The following FBXL7 variants were observed in gnomAD, a reference collection of about 807,000 sequenced individuals.
The protein encoded by FBXL7 is F-box/LRR-repeat protein 7.
A neutral mutation model predicts 38.3 loss-of-function variants in FBXL7; 12 were observed. That is an observed-to-expected ratio of 0.31 (90% confidence interval 0.20 to 0.51). The LOEUF (loss-of-function observed/expected upper bound fraction) is 0.51. FBXL7 is among the 20% of genes least tolerant of loss of function. FBXL7 has a pLI of 0.98. For synonymous variants in FBXL7, 297 were observed against 300.9 expected (o/e 0.99, Z 0.13); for missense variants, 567 against 676.4 (o/e 0.84, Z 1.79).
At position 15,676,286 on chromosome 5, in the gene FBXL7, T is replaced by C. The variant is rs1579369309; in HGVS notation, c.127+60214T>C. ...TTTAAGTAATGAGTTGGTTTAAAAGTGAACAAGGGAAGACTGATAAATTTT... is the reference window on the plus strand; with the variant it reads ...TTTAAGTAATGAGTTGGTTTAAAAGCGAACAAGGGAAGACTGATAAATTTT... On this transcript the variant is annotated intron_variant, in intron 2 of 3. Coordinates refer to ENST00000504595, the MANE Select transcript of FBXL7 (RefSeq NM_012304.5). Among the ~76,000 whole-genome samples, 4 of 152,312 alleles carry C rather than the reference T, an allele frequency of 2.6e-5. No homozygotes were observed. In the South Asian group the frequency reaches 8.3e-4, roughly 32 times the overall value.
At chr5:15,579,059 G>A (rs1345432588) in intron 1 of FBXL7, among the ~76,000 whole-genome samples, 3 of 152,194 alleles carry the variant, frequency 2.0e-5, no homozygotes, top group Non-Finnish European at 4.4e-5. Context: ...AGATTTAACA[G>A]TGTCACGTTC....
chr5:15,660,607 C>T (rs1742031944), intron 2 of FBXL7, among the ~76,000 whole-genome samples: 2 of 152,200 alleles, frequency 1.3e-5, no homozygotes, highest in African/African-American at 4.8e-5. Flanking sequence ...ATCTGCCCGT[C>T]TTGGCCTCTC....
chr5:15,818,753 A>T (rs1390326199), intron 2 of FBXL7, among the ~76,000 whole-genome samples: 7 of 146,212 alleles, frequency 4.8e-5, no homozygotes, highest in African/African-American at 1.5e-4. Context: ...TGAGAGAGAG[A>T]GAGATTTAAA....
intron 2 of FBXL7, among the ~76,000 whole-genome samples, chr5:15,715,489 CAAAAAAA>C (rs1157372026): frequency 6.6e-5 from 5 of 75,278 alleles, no homozygotes; most frequent in African/African-American, 1.8e-4. Flanking sequence ...GACTCCGTCT[CAAAAAAA>C]AAAAAAAAAA....
chr5:15,827,751 T>C (rs1246013850), intron 2 of FBXL7, among the ~76,000 whole-genome samples: 3 of 152,134 alleles, frequency 2.0e-5, no homozygotes, highest in Admixed American at 6.5e-5. Flanking sequence ...TCACTGTGAG[T>C]CTGGGAAGAG....
chr5:15,836,045 G>C (rs148790267), intron 2 of FBXL7, among the ~76,000 whole-genome samples: 1 of 152,162 alleles, frequency 6.6e-6, no homozygotes, highest in African/African-American at 2.4e-5. Flanking sequence ...ACATTTATTT[G>C]CTTTTTTACT....
rs1561035298 is a variant in FBXL7 at position 15,577,030 on chromosome 5, A to G, written c.38-38953A>G. Among the ~76,000 whole-genome samples, 8 of 152,350 alleles carry G rather than the reference A, an allele frequency of 5.3e-5. 1 individual carries two copies. In the South Asian group the frequency reaches 1.7e-3, roughly 32 times the overall value. On this transcript the variant is annotated intron_variant, in intron 1 of 3. Coordinates refer to ENST00000504595, the MANE Select transcript of FBXL7 (RefSeq NM_012304.5). ...AGAAAATAGTATCAATTATTTTGCC[A>G]TAAAGGCTTTATTAAACATGAAGAT...
chr5:15,554,041 A>G (rs1171753982), intron 1 of FBXL7, among the ~76,000 whole-genome samples: 1 of 152,186 alleles, frequency 6.6e-6, no homozygotes, highest in Admixed American at 6.5e-5. Context: ...GTCTGATTCA[A>G]TTCCTGGGGG....
At chr5:15,532,703 T>C (rs1172192394) in intron 1 of FBXL7, among the ~76,000 whole-genome samples, 1 of 152,238 alleles carries the variant, frequency 6.6e-6, no homozygotes, top group Non-Finnish European at 1.5e-5. Context: ...GGCTGTACCT[T>C]CTAGATCCCT....
In FBXL7 at chr5:15,753,216, T is replaced by C. The variant is rs545679688; in HGVS notation, c.127+137144T>C. ...CGTATAGTGCTTGTGACTGATGAATTCAATGAGCGCTTCAATTCTCCTACT... is the reference window on the plus strand; with the variant it reads ...CGTATAGTGCTTGTGACTGATGAATCCAATGAGCGCTTCAATTCTCCTACT... On this transcript the variant is annotated intron_variant, in intron 2 of 3. Transcript: ENST00000504595. 1.4e-4 allele frequency among the ~76,000 whole-genome samples: 21 copies of C among 152,212 alleles called. No individual in the cohort carries two copies. The South Asian group carries it at 1.7e-3, about 12-fold the overall frequency.
intron 1 of FBXL7, among the ~76,000 whole-genome samples, chr5:15,534,350 A>G (rs541103726): frequency 1.9e-5 from 2 of 107,678 alleles, no homozygotes; most frequent in African/African-American, 7.5e-5. Flanking sequence ...CTCCTTGGCA[A>G]CCACCAGTCT....
At chr5:15,612,041 CA>C (rs1417087889) in intron 1 of FBXL7, among the ~76,000 whole-genome samples, 2 of 151,816 alleles carry the variant, frequency 1.3e-5, no homozygotes, top group African/African-American at 4.8e-5. Context: ...ATTAAATTCT[CA>C]GGCATTTAAA....
intron 1 of FBXL7, among the ~76,000 whole-genome samples, chr5:15,585,704 T>C (rs1482764523): frequency 6.6e-6 from 1 of 152,264 alleles, no homozygotes; most frequent in Non-Finnish European, 1.5e-5. Context: ...ATCAAGTTGC[T>C]AGCTGTGCCT....
In FBXL7 at chr5:15,533,246, C is replaced by T. The variant is rs551932623; in HGVS notation, c.37+32533C>T. Among the ~76,000 whole-genome samples, 17 of 152,266 alleles carry T rather than the reference C, an allele frequency of 1.1e-4. No individual in the cohort carries two copies. The South Asian group carries it at 1.7e-3, about 15-fold the overall frequency. On this transcript the variant is annotated intron_variant, in intron 1 of 3. Transcript: ENST00000504595. ...ATCAAACCACACTCTTCTCTTAATG[C>T]TCTGTGTACTGTGGCTGTTCCATAA...
chr5:15,609,810 C>T (rs937236612), intron 1 of FBXL7, among the ~76,000 whole-genome samples: 15 of 152,176 alleles, frequency 9.9e-5, no homozygotes, highest in South Asian at 4.1e-4. Flanking sequence ...AGGTGCTATG[C>T]AGCATCCTTA....
In FBXL7 at chr5:15,938,917, G is replaced by T; in HGVS notation, c.*1731G>T. On this transcript the variant is annotated 3_prime_UTR_variant, in exon 4 of 4. Transcript: ENST00000504595. ...TCTAGCCAAGCCCCACCTTTGTTAC[G>T]TTGAAATCCCTCATTTATTTTCTTC... 1 of 398,764 alleles carries T rather than the reference G, an allele frequency of 2.5e-6. No individual in the cohort carries two copies. The highest frequency in any genetic ancestry group is 4.4e-6 in the Non-Finnish European group (1 of 225,960). 24.7% of individuals were successfully genotyped at this position (398,764 alleles called of 1,614,324 possible).
intron 1 of FBXL7, among the ~76,000 whole-genome samples, chr5:15,603,607 CTG>C (rs1739880919): frequency 6.6e-6 from 1 of 152,224 alleles, no homozygotes; most frequent in African/African-American, 2.4e-5. Flanking sequence ...AAGAATTCAT[CTG>C]TGAACTGCAT....
At chr5:15,765,391 G>C (rs536941085) in intron 2 of FBXL7, among the ~76,000 whole-genome samples, 2 of 152,164 alleles carry the variant, frequency 1.3e-5, no homozygotes, top group South Asian at 4.2e-4. Flanking sequence ...TGACAGAAAA[G>C]CACATCAAGC....
In FBXL7 at chr5:15,928,683, G is replaced by C. The variant is rs960671538; in HGVS notation, c.739+182G>C. Among the ~76,000 whole-genome samples, 2 of 152,112 alleles carry C rather than the reference G, an allele frequency of 1.3e-5. No homozygotes were observed. Among genetic ancestry groups the C allele is most frequent in the Non-Finnish European group, 2.9e-5 (2 of 68,008 alleles). On this transcript the variant is annotated intron_variant, in intron 3 of 3. Transcript: ENST00000504595. The surrounding 1 kb of genome is among the most constrained non-coding windows in gnomAD (Gnocchi z 4.0). ...GGAATCATGACCCTGGAGGCCACAA[G>C]TTTCCCTTTCATCAAATAATGTCCA...
Sources: gnomAD v4.1 joint callset for allele counts (sites outside exome capture counted in the v4.1 genomes callset) on GRCh38, gnomAD v4.1.1 for gene constraint, Gnocchi (gnomAD v3.1) non-coding constraint, MANE v1.5 for transcripts, NCBI Gene and HGNC (gene_info 2026-07-23, HGNC 2026-07-21) for gene names.